Variants in ABCB9 observed in about 807,000 individuals in gnomAD.
The protein encoded by ABCB9 is ABC-type oligopeptide transporter ABCB9.
A neutral mutation model predicts 62.0 loss-of-function variants in ABCB9; 36 were observed. The observed-to-expected ratio is 0.58, with a 90% CI of 0.45 to 0.77. The LOEUF is 0.77. Among genes scored for constraint, ABCB9 ranks in the 30% least tolerant of loss-of-function variants. The pLI is 0.00. For missense variants in ABCB9, 943 were observed against 1,054.7 expected, an observed-to-expected ratio of 0.89 and a Z score of 1.47; for synonymous variants, 435 against 461.4, an observed-to-expected ratio of 0.94 and a Z score of 0.73.
rs1047822110 is a variant in ABCB9, at chr12:122,974,920, G to T, written c.-293C>A. ...AGCTCCGGGCAGACGGCGGGGGGTG[G>T]GTCGGCGTTTAAGTCAAAGGCCTTG... On this transcript the variant is annotated 5_prime_UTR_variant, in exon 1 of 12. Coordinates refer to the ABCB9 transcript ENST00000392439. 3 of 218,386 alleles carry T rather than the reference G, an allele frequency of 1.4e-5. No homozygotes were observed. In the East Asian group the frequency reaches 3.0e-4, roughly 22 times the overall value. 13.5% of individuals were successfully genotyped at this position (218,386 alleles called of 1,614,324 possible).
intron 11 of ABCB9, among the ~76,000 whole-genome samples, chr12:122,923,856 G>A (rs1052086367): frequency 6.6e-6 from 1 of 152,162 alleles, no homozygotes; most frequent in African/African-American, 2.4e-5. Flanking sequence ...CCTCTGTGCT[G>A]TTTCCGTTTT....
chr12:122,947,508 G>T lies in ABCB9; in HGVS notation c.1053+1116C>A, dbSNP rs914406303. On this transcript the variant is annotated intron_variant, in intron 5 of 11. Coordinates refer to ENST00000280560, the MANE Select transcript of ABCB9 (RefSeq NM_019625.4). This position sits in a 1 kb window ranked among gnomAD's most constrained non-coding sequence, Gnocchi z 6.0. Reference sequence around the variant, plus strand: ...CACCTGGAGGCCGTCATGCATCCAAGCCCCTGCTCTAGAAGTACCCCACGT... The same window carrying T: ...CACCTGGAGGCCGTCATGCATCCAATCCCCTGCTCTAGAAGTACCCCACGT... The T allele has an allele frequency of 2.2e-6, 1 of 454,080 alleles. No homozygotes were observed. The highest frequency in any genetic ancestry group is 7.0e-5 in the East Asian group (1 of 14,334). The allele number at this position is 454,080 out of a possible 1,614,324, so 28.1% of individuals were successfully genotyped here.
intron 9 of ABCB9, among the ~76,000 whole-genome samples, chr12:122,936,547 C>T (rs1327667657): frequency 6.6e-6 from 1 of 152,112 alleles, no homozygotes; most frequent in East Asian, 1.9e-4. Context: ...GGGAGGATGG[C>T]TTGAGCCCAG....
rs2035028873 is a variant in ABCB9, at chr12:122,929,564, C to T, written c.*347G>A. 1 of 1,077,810 alleles carries T rather than the reference C, an allele frequency of 9.3e-7. No individual in the cohort carries two copies. The highest frequency in any genetic ancestry group is 1.1e-6 in the Non-Finnish European group (1 of 890,492). 66.8% of individuals were successfully genotyped at this position (1,077,810 alleles called of 1,614,324 possible). A position where few individuals can be genotyped will look rare whatever the true frequency, so the allele number is the denominator to read the frequency against. On this transcript the variant is annotated 3_prime_UTR_variant, in exon 12 of 12. Transcript: ENST00000280560. The surrounding 1 kb of genome is among the most constrained non-coding windows in gnomAD (Gnocchi z 6.0). ...ATCTTGGTGAAAGTGCCCGCCATTA[C>T]TCCCAATTAGAAAAAGGTTTTTGAA...
rs748716558 is a variant in ABCB9, at chr12:122,946,220, C to A, written c.1056G>T (p.Arg352Ser). Residue 352 changes from arginine (R) to serine (S), a missense_variant and splice_region_variant, in exon 6 of 12, where the codon AGG (arginine) becomes AGT (serine). Physicochemically the swap from Arg to Ser is moderately radical, Grantham distance 110 (BLOSUM62 -1). Transcript: ENST00000280560. ...VSNIYGKYYK[R>S]LSKEVQNALA... is the part of the protein sequence containing the mutation. ...GGGCATTCTGGACCTCTTTGGAGAG[C>A]CTCTATGGACAGGAGGGGGACAAGA... is the stretch of plus-strand genomic sequence containing the variant. 1.2e-6 allele frequency: 2 copies of A among 1,614,112 alleles called. No homozygotes were observed. The highest frequency in any genetic ancestry group is 3.3e-5 in the Admixed American group (2 of 60,000).
chr12:122,958,169 CAAAAAAAA>C (rs34917345), intron 2 of ABCB9, among the ~76,000 whole-genome samples: 1 of 72,244 alleles, frequency 1.4e-5, no homozygotes, highest in African/African-American at 6.1e-5. Context: ...GACTCCATCT[CAAAAAAAA>C]AAAAAAAAAA....
Position 122,929,048 on chromosome 12 carries a change from T to C in ABCB9, c.*863A>G, listed in dbSNP as rs953750680. ...CGGGTTCTCTCAACATGTTGCAACCTCTGGCAAAGCCAGATCCTGGGCTTT... is the reference window on the plus strand; with the variant it reads ...CGGGTTCTCTCAACATGTTGCAACCCCTGGCAAAGCCAGATCCTGGGCTTT... On this transcript the variant is annotated 3_prime_UTR_variant, in exon 12 of 12. Coordinates refer to ENST00000280560, the MANE Select transcript of ABCB9 (RefSeq NM_019625.4). This position sits in a 1 kb window ranked among gnomAD's most constrained non-coding sequence, Gnocchi z 6.0. The C allele has an allele frequency of 7.1e-6, 7 of 985,774 alleles. No homozygotes were observed. Among genetic ancestry groups the C allele is most frequent in the Non-Finnish European group, 8.4e-6 (7 of 830,002 alleles). 61.1% of individuals were successfully genotyped at this position (985,774 alleles called of 1,614,324 possible). A position where few individuals can be genotyped will look rare whatever the true frequency, so the allele number is the denominator to read the frequency against.
intron 1 of ABCB9, 21 bp from the exon 2 acceptor site, chr12:122,960,343 A>G (rs1594069863): frequency 9.0e-6 from 13 of 1,438,022 alleles, no homozygotes; most frequent in Non-Finnish European, 1.1e-5. Context: ...AACAGCAAAC[A>G]TCAGCACAAG....
At chr12:122,950,328 A>G in intron 3 of ABCB9, 123 bp downstream of exon 3, 5 of 903,896 alleles carry the variant, frequency 5.5e-6, no homozygotes, top group Non-Finnish European at 8.3e-6. Context: ...GCTGAGGGAC[A>G]GGCCCACCAG....
chr12:122,956,909 C>T (rs1245210503), intron 2 of ABCB9, among the ~76,000 whole-genome samples: 2 of 152,186 alleles, frequency 1.3e-5, no homozygotes, highest in Non-Finnish European at 2.9e-5. Flanking sequence ...CTGCCCACCT[C>T]GGCCTCCCAA....
Position 122,959,879 on chromosome 12 carries a change from C to T in ABCB9, c.357G>A (p.Leu119=). ...RPIRDPWFWA[L]FVWTYISLGA... is the part of the protein sequence containing the mutation. Reference sequence around the variant, plus strand: ...CGAGTGAAATGTACGTCCACACGAACAGGGCCCAAAACCAGGGGTCCCGGA... The same window carrying T: ...CGAGTGAAATGTACGTCCACACGAATAGGGCCCAAAACCAGGGGTCCCGGA... The change falls in exon 2 of 12, where the codon CTG becomes CTA. Residue 119 remains leucine (L), a synonymous_variant. Coordinates refer to ENST00000280560, the MANE Select transcript of ABCB9 (RefSeq NM_019625.4). This position sits in a 1 kb window ranked among gnomAD's most constrained non-coding sequence, Gnocchi z 5.4. 1 of 1,613,570 alleles carries T rather than the reference C, an allele frequency of 6.2e-7. No individual in the cohort carries two copies. The highest frequency in any genetic ancestry group is 8.5e-7 in the Non-Finnish European group (1 of 1,179,896).
intron 2 of ABCB9, among the ~76,000 whole-genome samples, chr12:122,956,065 A>G (rs12311043): frequency 0.057 from 8,622 of 152,238 alleles, 575 homozygotes; most frequent in African/African-American, 0.16. Flanking sequence ...AGACAAAGTT[A>G]CCACAGTTGG....
chr12:122,945,003 G>A (rs1438474185), intron 6 of ABCB9, among the ~76,000 whole-genome samples: 2 of 152,200 alleles, frequency 1.3e-5, no homozygotes, highest in Admixed American at 1.3e-4. Flanking sequence ...TGGAGTCTGA[G>A]TACCCATGGC....
chr12:122,956,673 A>G (rs887341280), intron 2 of ABCB9, among the ~76,000 whole-genome samples: 1 of 152,210 alleles, frequency 6.6e-6, no homozygotes, highest in African/African-American at 2.4e-5. Context: ...GGCGTATGCC[A>G]GCACATCTGG....
chr12:122,951,257 T>TA (rs1399212501), intron 2 of ABCB9, among the ~76,000 whole-genome samples: 1 of 149,470 alleles, frequency 6.7e-6, no homozygotes, highest in Non-Finnish European at 1.5e-5. Flanking sequence ...TTTTTTTTTT[T>TA]AACTTTTTGA....
chr12:122,943,797 A>G (rs2035893513), intron 7 of ABCB9, among the ~76,000 whole-genome samples: 1 of 148,278 alleles, frequency 6.7e-6, no homozygotes, highest in Non-Finnish European at 1.5e-5. Flanking sequence ...TCTTTTTGAG[A>G]CACGGTCTCT....
Position 122,947,494 on chromosome 12 carries a change from C to T in ABCB9, c.1053+1130G>A, listed in dbSNP as rs897521311. The T allele has an allele frequency of 1.8e-5, 8 of 454,608 alleles. No homozygotes were observed. The highest frequency in any genetic ancestry group is 7.0e-5 in the East Asian group (1 of 14,356). 28.2% of individuals were successfully genotyped at this position (454,608 alleles called of 1,614,324 possible). On this transcript the variant is annotated intron_variant, in intron 5 of 11. Transcript: ENST00000280560. The surrounding 1 kb of genome is among the most constrained non-coding windows in gnomAD (Gnocchi z 6.0). The stretch of plus-strand genomic sequence containing the variant: ...GACTTACCCGGCACCACCTGGAGGC[C>T]GTCATGCATCCAAGCCCCTGCTCTA...
In ABCB9 at chr12:122,959,419, C is replaced by G. The variant is rs2036772783; in HGVS notation, c.601+216G>C. 6.6e-6 allele frequency among the ~76,000 whole-genome samples: 1 copy of G among 152,016 alleles called. No homozygotes were observed. The highest frequency in any genetic ancestry group is 1.5e-5 in the Non-Finnish European group (1 of 68,008). On this transcript the variant is annotated intron_variant, in intron 2 of 11. Transcript: ENST00000280560. This position sits in a 1 kb window ranked among gnomAD's most constrained non-coding sequence, Gnocchi z 5.4. The stretch of plus-strand genomic sequence containing the variant: ...AGAAATGGGTTCTCGCTATGTTGCC[C>G]AGGCTGGTTTTCAACTCCTGGGCTC...
chr12:122,953,420 C>T (rs2036463023), intron 2 of ABCB9, among the ~76,000 whole-genome samples: 1 of 151,592 alleles, frequency 6.6e-6, no homozygotes, highest in Non-Finnish European at 1.5e-5. Flanking sequence ...TGGAGTCGCA[C>T]TCCGTCGCCC....
Sources: allele counts gnomAD v4.1 joint callset (sites outside exome capture counted in the v4.1 genomes callset), GRCh38; gene constraint gnomAD v4.1.1; non-coding constraint Gnocchi (gnomAD v3.1); transcripts MANE v1.5; gene names NCBI Gene and HGNC (gene_info 2026-07-23, HGNC 2026-07-21).